The following ZMIZ1 variants were observed in gnomAD, a reference collection of about 807,000 sequenced individuals.
ZMIZ1 encodes zinc finger MIZ domain-containing protein 1.
A neutral mutation model predicts 113.9 loss-of-function variants in ZMIZ1; 17 were observed. The observed-to-expected ratio is 0.15, with a 90% CI of 0.10 to 0.22. The LOEUF (loss-of-function observed/expected upper bound fraction) is 0.22. Ranked by LOEUF, ZMIZ1 falls within the 10% of genes least tolerant of loss-of-function variation. ZMIZ1 has a pLI of 1.00. For missense variants in ZMIZ1, 1,059 were observed against 1,477.8 expected (o/e 0.72, Z 4.65); for synonymous variants, 607 against 603.1 (o/e 1.01, Z -0.09).
At chr10:79,151,750 C>G (rs559906095) in intron 3 of ZMIZ1, among the ~76,000 whole-genome samples, 1 of 152,374 alleles carries the variant, frequency 6.6e-6, no homozygotes, top group African/African-American at 2.4e-5. Context: ...GTGGGCCCCA[C>G]TGCCTCTCCC....
At chr10:79,268,216 G>A (rs1442411245) in intron 7 of ZMIZ1, among the ~76,000 whole-genome samples, 1 of 152,240 alleles carries the variant, frequency 6.6e-6, no homozygotes, top group African/African-American at 2.4e-5. Flanking sequence ...CCCCCACGCT[G>A]TATGAACTGT....
At position 79,183,688 on chromosome 10, in the gene ZMIZ1, G is replaced by C. The variant is rs1847228605; in HGVS notation, c.-49-17896G>C. Among the ~76,000 whole-genome samples, 4 of 152,228 alleles carry C rather than the reference G, an allele frequency of 2.6e-5. No individual in the cohort carries two copies. The South Asian group carries it at 8.3e-4, about 32-fold the overall frequency. On this transcript the variant is annotated intron_variant, in intron 4 of 24. Transcript: ENST00000334512. Reference sequence around the variant, plus strand: ...GTGTTGCTTTCAATGCTGTGTCTCAGTTTTCCCATCTGTGCAAAGGAGCTA... The same window carrying C: ...GTGTTGCTTTCAATGCTGTGTCTCACTTTTCCCATCTGTGCAAAGGAGCTA...
intron 7 of ZMIZ1, among the ~76,000 whole-genome samples, chr10:79,232,205 G>A (rs998912881): frequency 7.2e-5 from 11 of 152,166 alleles, no homozygotes; most frequent in African/African-American, 9.7e-5. Flanking sequence ...GAGGATATAA[G>A]GGAAAACTGT....
chr10:79,084,774 A>G (rs949525135), intron 1 of ZMIZ1, among the ~76,000 whole-genome samples: 1 of 139,360 alleles, frequency 7.2e-6, no homozygotes. Context: ...CCAGAATCCT[A>G]GGGTCAGCGG....
At chr10:79,168,370 T>C (rs1442494670) in intron 4 of ZMIZ1, among the ~76,000 whole-genome samples, 1 of 152,190 alleles carries the variant, frequency 6.6e-6, no homozygotes, top group Non-Finnish European at 1.5e-5. Flanking sequence ...CCCTCCTTCA[T>C]CTGCACACAG....
chr10:79,287,585 A>C (rs1250564), intron 8 of ZMIZ1, among the ~76,000 whole-genome samples: 52,889 of 152,182 alleles, frequency 0.35, 9,467 homozygotes, highest in South Asian at 0.44. Context: ...CACATACGAC[A>C]CCTTGACCCA....
chr10:79,119,727 C>T (rs10824719), intron 2 of ZMIZ1, among the ~76,000 whole-genome samples: 18,708 of 152,088 alleles, frequency 0.12, 1,319 homozygotes, highest in South Asian at 0.27. Context: ...GTGACAGGCT[C>T]CTGGTGGGTC....
intron 7 of ZMIZ1, among the ~76,000 whole-genome samples, chr10:79,269,697 C>T (rs1039450897): frequency 1.3e-5 from 2 of 152,168 alleles, no homozygotes; most frequent in South Asian, 4.1e-4. Flanking sequence ...GTCATCCATT[C>T]CTGACCGCCA....
intron 7 of ZMIZ1, among the ~76,000 whole-genome samples, chr10:79,230,183 C>A (rs1488636442): frequency 6.6e-6 from 1 of 151,840 alleles, no homozygotes; most frequent in Admixed American, 6.6e-5. Context: ...TCCTTCCTCT[C>A]TTTCACTCTC....
intron 4 of ZMIZ1, among the ~76,000 whole-genome samples, chr10:79,180,852 G>A (rs897071643): frequency 2.0e-5 from 3 of 152,224 alleles, no homozygotes; most frequent in Non-Finnish European, 4.4e-5. Context: ...CTCAAGCCCG[G>A]TCTTCGGGGC....
At chr10:79,309,073 A>G (rs1403542870) in intron 23 of ZMIZ1, among the ~76,000 whole-genome samples, 1 of 152,062 alleles carries the variant, frequency 6.6e-6, no homozygotes, top group Non-Finnish European at 1.5e-5. Context: ...GTCACAGGTA[A>G]ACTTCTACCA....
chr10:79,149,670 G>T (rs1056962454), intron 3 of ZMIZ1, among the ~76,000 whole-genome samples: 1 of 152,216 alleles, frequency 6.6e-6, no homozygotes, highest in Non-Finnish European at 1.5e-5. Context: ...CTCATGTGGG[G>T]CTGCGTGGCC....
intron 2 of ZMIZ1, among the ~76,000 whole-genome samples, chr10:79,137,814 C>T (rs1245608978): frequency 1.4e-5 from 2 of 144,184 alleles, no homozygotes; most frequent in Admixed American, 6.7e-5. Flanking sequence ...TCTGAGAGGA[C>T]GGGCCCTCGG....
In ZMIZ1 at chr10:79,277,290, C is replaced by T. The variant is rs775249810; in HGVS notation, c.390C>T (p.Ser130=). The T allele has an allele frequency of 6.2e-7, 1 of 1,601,616 alleles. No individual in the cohort carries two copies. Among genetic ancestry groups the T allele is most frequent in the South Asian group, 1.1e-5 (1 of 89,246 alleles). ...PGKLPMQPPL[S]SMSSMKPTLS... ...AACTCCCCATGCAGCCCCCTCTCAG[C>T]TCCATGAGCTCCATGAAACCCACTC... Residue 130 remains serine (S), a synonymous_variant, in exon 8 of 25, where the codon AGC becomes AGT. Coordinates refer to ENST00000334512, the MANE Select transcript of ZMIZ1 (RefSeq NM_020338.4).
chr10:79,197,428 G>C (rs1847874560), intron 4 of ZMIZ1, among the ~76,000 whole-genome samples: 1 of 152,160 alleles, frequency 6.6e-6, no homozygotes, highest in South Asian at 2.1e-4. Context: ...CTGTGTCCTT[G>C]TCTTCCACAC....
rs745738592 is a variant in ZMIZ1, at chr10:79,306,251, A to G, written c.2575A>G (p.Met859Val). 11 of 1,613,990 alleles carry G rather than the reference A, an allele frequency of 6.8e-6. No homozygotes were observed. The highest frequency in any genetic ancestry group is 1.6e-4 in the Middle Eastern group (1 of 6,084). Residue 859 changes from methionine (M) to valine (V), a missense_variant, in exon 22 of 25, where the codon ATG (methionine) becomes GTG (valine). Physicochemically the swap from Met to Val is conservative, Grantham distance 21. Around this residue, in one of 6 missense-constraint regions of ZMIZ1, gnomAD observed 217 missense variants for 426.9 expected, o/e 0.51. Coordinates refer to ENST00000334512, the MANE Select transcript of ZMIZ1 (RefSeq NM_020338.4). ...SPSQMIMPNV[M>V]EMIAALGPGP... ...CAGCCAGATGATCATGCCCAATGTC[A>G]TGGAGATGATCGCAGCCCTGGGCCC...
At position 79,291,026 on chromosome 10, in the gene ZMIZ1, G is replaced by T; in HGVS notation, c.608G>T (p.Gly203Val). Residue 203 changes from glycine (G) to valine (V), a missense_variant, in exon 10 of 25, where the codon GGC becomes GTC. By Grantham distance (109) the Gly-to-Val change is moderately radical. Transcript: ENST00000334512. ...MNPGGNPMAS[G>V]MTTSNPGLNS... Reference sequence around the variant, plus strand: ...CCAGGCGGCAACCCCATGGCGTCGGGCATGACCACCAGCAACCCAGGCCTC... The same window carrying T: ...CCAGGCGGCAACCCCATGGCGTCGGTCATGACCACCAGCAACCCAGGCCTC... The T allele has an allele frequency of 6.2e-7, 1 of 1,614,230 alleles. No homozygotes were observed. Among genetic ancestry groups the T allele is most frequent in the Non-Finnish European group, 8.5e-7 (1 of 1,180,042 alleles).
At chr10:79,241,800 T>C (rs768935415) in intron 7 of ZMIZ1, among the ~76,000 whole-genome samples, 1 of 152,166 alleles carries the variant, frequency 6.6e-6, no homozygotes, top group African/African-American at 2.4e-5. Context: ...AGCCAGAGGC[T>C]GAGGCTGAGA....
At position 79,069,757 on chromosome 10, in the gene ZMIZ1, G is replaced by C. The variant is rs1158427009; in HGVS notation, c.-337+487G>C. ...GCGCTGGATTTCAGGATGGCAAGGG[G>C]TGGTGGTGTTAACTTGTGCGTCTGA... On this transcript the variant is annotated intron_variant, in intron 1 of 24. Coordinates refer to ENST00000334512, the MANE Select transcript of ZMIZ1 (RefSeq NM_020338.4). This position sits in a 1 kb window ranked among gnomAD's most constrained non-coding sequence, Gnocchi z 4.6. 6.6e-6 allele frequency among the ~76,000 whole-genome samples: 1 copy of C among 152,202 alleles called. No homozygotes were observed. The highest frequency in any genetic ancestry group is 6.5e-5 in the Admixed American group (1 of 15,292).
Sources: allele counts gnomAD v4.1 joint callset (sites outside exome capture counted in the v4.1 genomes callset), GRCh38; gene constraint gnomAD v4.1.1; regional missense constraint gnomAD v4.1.1; non-coding constraint Gnocchi (gnomAD v3.1); transcripts MANE v1.5; gene names NCBI Gene and HGNC (gene_info 2026-07-23, HGNC 2026-07-21).